CEP126: variants seen among roughly 807,000 people sequenced by gnomAD.
CEP126 encodes the protein centrosomal protein 126.
In CEP126, 74 loss-of-function variants were observed where a neutral mutation model predicts 107.8. The observed-to-expected ratio is 0.69, with a 90% CI of 0.57 to 0.83. The LOEUF is 0.83. CEP126 is among the 40% of genes least tolerant of loss of function. The pLI is 0.00. For synonymous variants in CEP126, 449 were observed against 446.0 expected, an observed-to-expected ratio of 1.01 and a Z score of -0.08; for missense variants, 1,237 against 1,281.9, an observed-to-expected ratio of 0.96 and a Z score of 0.53.
At chr11:101,917,053 TGTGTGTGTGTGTGTGTGTGTGTGC>T (rs1940230175) in intron 1 of CEP126, among the ~76,000 whole-genome samples, 1 of 151,430 alleles carries the variant, frequency 6.6e-6, no homozygotes, top group South Asian at 2.1e-4. Context: ...TGTGTGTGTG[TGTGTGTGTGTGTGTGTGTGTGTGC>T]TGGTTTATAT....
intron 3 of CEP126, among the ~76,000 whole-genome samples, chr11:101,946,058 T>C (rs1940732140): frequency 6.6e-6 from 1 of 152,108 alleles, no homozygotes; most frequent in South Asian, 2.1e-4. Flanking sequence ...TAAATAATTA[T>C]GGTAAGAGAT....
intron 5 of CEP126, among the ~76,000 whole-genome samples, chr11:101,961,219 A>AT (rs1940964668): frequency 1.3e-5 from 2 of 152,096 alleles, no homozygotes; most frequent in Non-Finnish European, 2.9e-5. Flanking sequence ...TCTTTATGTG[A>AT]TTTTAACATG....
chr11:101,941,605 G>T (rs892585377), intron 2 of CEP126, among the ~76,000 whole-genome samples: 3 of 152,028 alleles, frequency 2.0e-5, no homozygotes, highest in Non-Finnish European at 4.4e-5. Context: ...CTATGAAAAT[G>T]GGTATAAAAA....
rs747316119 is a variant in CEP126 at position 101,963,449 on chromosome 11, A to G, written c.2414A>G (p.Gln805Arg). Residue 805 changes from glutamine (Q) to arginine (R), a missense_variant, in exon 6 of 11, where the codon CAA (glutamine) becomes CGA (arginine). This residue lies in a region of CEP126 where 1,134 missense variants were observed against 1,150.5 expected (regional missense o/e 0.99). Transcript: ENST00000263468. ...TTAATTATACCTTGTCCTCCTCCTC[A>G]ATCTACATCAAATATTAGAAGTGGT... ...GKLIIPCPPP[Q>R]STSNIRSGKN... The G allele has an allele frequency of 2.5e-6, 4 of 1,613,964 alleles. No homozygotes were observed. Among genetic ancestry groups the G allele is most frequent in the Middle Eastern group, 1.6e-4 (1 of 6,084 alleles).
Position 101,962,586 on chromosome 11 carries a change from A to G in CEP126, c.1551A>G (p.Leu517=), listed in dbSNP as rs775887795. Residue 517 remains leucine, a synonymous_variant, in exon 6 of 11, where the codon TTA becomes TTG. Transcript: ENST00000263468. The stretch of plus-strand genomic sequence containing the variant: ...ATTGCAATAAGGAAGAGTTGCCTTT[A>G]TTTTCAGACAGTTTTCAAGATGCCT... The part of the protein sequence containing the change: ...YFNCNKEELP[L]FSDSFQDAYI... 3 of 1,613,686 alleles carry G rather than the reference A, an allele frequency of 1.9e-6. No individual in the cohort carries two copies. Among genetic ancestry groups the G allele is most frequent in the South Asian group, 2.2e-5 (2 of 91,030 alleles).
chr11:101,929,892 A>G (rs1032513912), intron 2 of CEP126, among the ~76,000 whole-genome samples: 1 of 151,568 alleles, frequency 6.6e-6, no homozygotes, highest in Middle Eastern at 3.5e-3. Context: ...ATGGAGTGAC[A>G]GGATTTTTGC....
intron 5 of CEP126, among the ~76,000 whole-genome samples, 184 bp downstream of exon 5, chr11:101,958,550 C>T (rs1940930845): frequency 6.6e-6 from 1 of 152,048 alleles, no homozygotes; most frequent in Non-Finnish European, 1.5e-5. Flanking sequence ...TTTTTCCTTA[C>T]CTTTGAAAGT....
At chr11:101,931,249 A>C (rs1393409380) in intron 2 of CEP126, among the ~76,000 whole-genome samples, 1 of 152,130 alleles carries the variant, frequency 6.6e-6, no homozygotes, top group Admixed American at 6.5e-5. Flanking sequence ...TAATTCTATG[A>C]ATCTTTATTG....
intron 6 of CEP126, among the ~76,000 whole-genome samples, chr11:101,971,254 G>A (rs1015857038): frequency 2.0e-5 from 3 of 152,002 alleles, no homozygotes; most frequent in East Asian, 1.9e-4. Flanking sequence ...GATTGTAGGC[G>A]TGAGCCACCG....
At chr11:101,944,062 A>G (rs984702073) in intron 2 of CEP126, among the ~76,000 whole-genome samples, 1 of 152,158 alleles carries the variant, frequency 6.6e-6, no homozygotes, top group African/African-American at 2.4e-5. Context: ...CTTAGTTGCA[A>G]GAGACCTGGA....
chr11:101,917,603 TAAA>T (rs199615063), intron 1 of CEP126, among the ~76,000 whole-genome samples: 3 of 138,020 alleles, frequency 2.2e-5, no homozygotes, highest in Admixed American at 7.1e-5. Context: ...AAATGGAATT[TAAA>T]AAAAAAAAAA....
In CEP126 at chr11:101,922,646, T is replaced by C. The variant is rs1361833440; in HGVS notation, c.134T>C (p.Met45Thr). The C allele has an allele frequency of 1.0e-5, 16 of 1,603,966 alleles. No individual in the cohort carries two copies. Among genetic ancestry groups the C allele is most frequent in the African/African-American group, 4.0e-5 (3 of 74,682 alleles). ...TAACTTAATGCTATCATTAGAGATA[T>C]GAAAATCCATCTGGAGAAAAATTTA... ...GHHRPGSYLDMKIHLEKNLEE... is the reference protein window; with the variant it reads ...GHHRPGSYLDTKIHLEKNLEE... The change falls in exon 2 of 11, where the codon ATG becomes ACG. Residue 45 changes from methionine to threonine, a missense_variant. By Grantham distance (81) the Met-to-Thr change is moderately conservative. Transcript: ENST00000263468.
chr11:101,963,187 G>T lies in CEP126; in HGVS notation c.2152G>T (p.Gly718Cys). Residue 718 changes from glycine (G) to cysteine (C), a missense_variant, in exon 6 of 11, where the codon GGT (glycine) becomes TGT (cysteine). Gly to Cys is a radical substitution (Grantham distance 159, BLOSUM62 -3). Around this residue, in one of 3 missense-constraint regions of CEP126, gnomAD observed 1,134 missense variants for 1,150.5 expected, o/e 0.99. Coordinates refer to ENST00000263468, the MANE Select transcript of CEP126 (RefSeq NM_020802.4). ...HMPLNCFIPS[G>C]YNFAKHAWPA... ...GCCTTTGAACTGTTTTATACCTTCA[G>T]GTTATAACTTTGCTAAACATGCCTG... The T allele has an allele frequency of 6.2e-6, 10 of 1,613,982 alleles. No individual in the cohort carries two copies. Among genetic ancestry groups the T allele is most frequent in the South Asian group, 2.2e-5 (2 of 91,070 alleles).
intron 2 of CEP126, among the ~76,000 whole-genome samples, chr11:101,928,981 T>A (rs1940451735): frequency 1.3e-5 from 2 of 152,250 alleles, no homozygotes; most frequent in Non-Finnish European, 2.9e-5. Flanking sequence ...TGGGGAAAAC[T>A]GACATCTTCA....
Position 101,915,324 on chromosome 11 carries a change from G to A in CEP126, c.40G>A (p.Glu14Lys), listed in dbSNP as rs749850977. 1 of 1,613,960 alleles carries A rather than the reference G, an allele frequency of 6.2e-7. No individual in the cohort carries two copies. Among genetic ancestry groups the A allele is most frequent in the Non-Finnish European group, 8.5e-7 (1 of 1,179,998 alleles). Residue 14 changes from glutamate (E) to lysine (K), a missense_variant, in exon 1 of 11, where the codon GAA becomes AAA. This residue lies in a region of CEP126 where 1,134 missense variants were observed against 1,150.5 expected (regional missense o/e 0.99). Coordinates refer to ENST00000263468, the MANE Select transcript of CEP126 (RefSeq NM_020802.4). ...GRPGTRSAVG[E>K]LGTESSDNLD... ...GCCCGGAACCCGGAGCGCGGTCGGG[G>A]AACTGGGCACTGAATCATCGGACAA...
At chr11:101,978,529 G>T in intron 7 of CEP126, 70 bp downstream of exon 7, 1 of 944,212 alleles carries the variant, frequency 1.1e-6, no homozygotes. Flanking sequence ...GGTTCTTAAA[G>T]GACTATGCTC....
chr11:101,963,458 C>T lies in CEP126; in HGVS notation c.2423C>T (p.Ser808Leu), dbSNP rs776991677. 2 of 1,614,086 alleles carry T rather than the reference C, an allele frequency of 1.2e-6. No homozygotes were observed. The highest frequency in any genetic ancestry group is 1.1e-5 in the South Asian group (1 of 91,070). ...CCTTGTCCTCCTCCTCAATCTACAT[C>T]AAATATTAGAAGTGGTAAAAATATA... is the stretch of plus-strand genomic sequence containing the variant. The part of the protein sequence containing the change: ...IIPCPPPQST[S>L]NIRSGKNIQV... The change falls in exon 6 of 11, where the codon TCA (serine) becomes TTA (leucine). Residue 808 changes from serine to leucine, a missense_variant. By Grantham distance (145) the Ser-to-Leu change is moderately radical (BLOSUM62 -2). Transcript: ENST00000263468.
At chr11:101,916,381 A>G (rs7105709) in intron 1 of CEP126, 63,745 of 152,028 alleles carry the variant, frequency 0.42, 13,789 homozygotes, top group East Asian at 0.59. Flanking sequence ...GAGGAAGACA[A>G]ATGTGTATAG....
chr11:101,999,488 C>A lies in CEP126; in HGVS notation c.*1845C>A, dbSNP rs1372386580. 4.8e-4 allele frequency: 35 copies of A among 72,404 alleles called. No homozygotes were observed. Among genetic ancestry groups the A allele is most frequent in the East Asian group, 1.5e-3 (4 of 2,748 alleles). The allele number at this position is 72,404 out of a possible 1,614,324, so 4.5% of individuals were successfully genotyped here. A position where few individuals can be genotyped will look rare whatever the true frequency, so the allele number is the denominator to read the frequency against. On this transcript the variant is annotated 3_prime_UTR_variant, in exon 11 of 11. Coordinates refer to ENST00000263468, the MANE Select transcript of CEP126 (RefSeq NM_020802.4). Reference sequence around the variant, plus strand: ...GTTAAGATCCAAAGTCAGAATAGGCCAAAAAAAAAAAAAAAAAAAGCCTAA... The same window carrying A: ...GTTAAGATCCAAAGTCAGAATAGGCAAAAAAAAAAAAAAAAAAAAGCCTAA...
Sources: allele counts gnomAD v4.1 joint callset (sites outside exome capture counted in the v4.1 genomes callset), GRCh38; gene constraint gnomAD v4.1.1; regional missense constraint gnomAD v4.1.1; transcripts MANE v1.5; gene names NCBI Gene and HGNC (gene_info 2026-07-23, HGNC 2026-07-21).